Variants in MAPKAP1 observed in about 807,000 individuals in gnomAD.
MAPKAP1 encodes MAPK associated protein 1.
A neutral mutation model predicts 65.7 loss-of-function variants in MAPKAP1; 20 were observed. That is an observed-to-expected ratio of 0.30 (90% CI 0.21 to 0.44). The LOEUF (loss-of-function observed/expected upper bound fraction) is 0.44, where lower values mean the gene tolerates loss of function less well. Among genes scored for constraint, MAPKAP1 ranks in the 20% least tolerant of loss-of-function variants. The probability of loss-of-function intolerance (pLI) is 1.00; values close to 1 mark genes in which losing one functional copy is unlikely to be tolerated. For synonymous variants in MAPKAP1, 222 were observed against 244.3 expected, an observed-to-expected ratio of 0.91 and a Z score of 0.85; for missense variants, 423 against 648.0, an observed-to-expected ratio of 0.65 and a Z score of 3.77.
intron 8 of MAPKAP1, among the ~76,000 whole-genome samples, chr9:125,503,431 C>A (rs545508043): frequency 6.6e-6 from 1 of 152,188 alleles, no homozygotes. Flanking sequence ...TCAACCTTTT[C>A]CCAGACATGG....
chr9:125,591,027 G>T lies in MAPKAP1; in HGVS notation c.499-5300C>A, dbSNP rs143372892. Among the ~76,000 whole-genome samples, 142 of 152,228 alleles carry T rather than the reference G, an allele frequency of 9.3e-4. 1 individual carries two copies. The highest frequency in any genetic ancestry group is 1.1e-3 in the Non-Finnish European group (75 of 68,010). ...GACCTCAAGTGATCCGCCCACCTCG[G>T]CCTCCCAAAATGCTGGGATTACAAG... On this transcript the variant is annotated intron_variant, in intron 4 of 11. Coordinates refer to ENST00000265960, the MANE Select transcript of MAPKAP1 (RefSeq NM_001006617.3).
chr9:125,660,772 C>CT (rs2131764283), intron 3 of MAPKAP1, among the ~76,000 whole-genome samples: 1 of 152,344 alleles, frequency 6.6e-6, no homozygotes, highest in South Asian at 2.1e-4. Flanking sequence ...GCTAGCAACG[C>CT]TGTGTTATCA....
chr9:125,441,130 C>T (rs914924888), intron 11 of MAPKAP1, among the ~76,000 whole-genome samples: 3 of 152,176 alleles, frequency 2.0e-5, no homozygotes, highest in Non-Finnish European at 4.4e-5. Context: ...TCATTTTCAA[C>T]GCATTTTACA....
chr9:125,481,944 A>G (rs1404175027), intron 9 of MAPKAP1, among the ~76,000 whole-genome samples: 1 of 151,506 alleles, frequency 6.6e-6, no homozygotes, highest in Non-Finnish European at 1.5e-5. Flanking sequence ...CAGCCTGGCC[A>G]CATGGTGAAA....
intron 9 of MAPKAP1, among the ~76,000 whole-genome samples, chr9:125,479,152 A>C (rs1181857478): frequency 3.3e-5 from 5 of 152,256 alleles, no homozygotes; most frequent in Admixed American, 6.5e-5. Flanking sequence ...AAAGAGAACA[A>C]TTAGCAAAGT....
At position 125,548,326 on chromosome 9, in the gene MAPKAP1, CA is replaced by C. The variant is rs551587843; in HGVS notation, c.849-5159del. ...GGTGGAGGCAAGTTCAGAGTGCTGC[CA>C]AAACAAACATAGGGCACGTAACCCA... On this transcript the variant is annotated intron_variant, in intron 6 of 11. Coordinates refer to ENST00000265960, the MANE Select transcript of MAPKAP1 (RefSeq NM_001006617.3). Among the ~76,000 whole-genome samples, 298 of 152,266 alleles carry C rather than the reference CA, an allele frequency of 2.0e-3. 2 individuals are homozygous for C. Among genetic ancestry groups the C allele is most frequent in the African/African-American group, 6.9e-3 (285 of 41,550 alleles).
intron 4 of MAPKAP1, among the ~76,000 whole-genome samples, chr9:125,586,450 C>T (rs1206195314): frequency 6.6e-6 from 1 of 152,120 alleles, no homozygotes; most frequent in African/African-American, 2.4e-5. Context: ...CTTCACTGAA[C>T]CTGCTGTTGA....
intron 4 of MAPKAP1, among the ~76,000 whole-genome samples, chr9:125,617,432 G>A (rs192585550): frequency 1.3e-5 from 2 of 152,312 alleles, no homozygotes; most frequent in Admixed American, 6.5e-5. Context: ...CTGCACTCCA[G>A]CCTGGGCAAC....
chr9:125,600,792 T>C (rs192467526), intron 4 of MAPKAP1, among the ~76,000 whole-genome samples: 110 of 152,306 alleles, frequency 7.2e-4, no homozygotes, highest in South Asian at 1.9e-3. Context: ...ATGTAAAATG[T>C]CCACTTCGAA....
intron 4 of MAPKAP1, among the ~76,000 whole-genome samples, chr9:125,637,717 A>C (rs1833465104): frequency 6.6e-6 from 1 of 152,214 alleles, no homozygotes; most frequent in Non-Finnish European, 1.5e-5. Context: ...ACAAGGATTA[A>C]ATGAGAAACG....
At chr9:125,467,542 C>T (rs980506692) in intron 10 of MAPKAP1, among the ~76,000 whole-genome samples, 10 of 152,192 alleles carry the variant, frequency 6.6e-5, no homozygotes, top group African/African-American at 2.4e-4. Flanking sequence ...TAAATCTAGG[C>T]GTTCGCCGCC....
intron 4 of MAPKAP1, among the ~76,000 whole-genome samples, chr9:125,612,469 T>C (rs1344894473): frequency 1.3e-5 from 2 of 152,144 alleles, no homozygotes; most frequent in South Asian, 2.1e-4. Flanking sequence ...TGGAGTAAGA[T>C]TGGAAATTAA....
chr9:125,456,635 TC>T (rs1853172983), intron 10 of MAPKAP1, among the ~76,000 whole-genome samples: 1 of 152,234 alleles, frequency 6.6e-6, no homozygotes, highest in Non-Finnish European at 1.5e-5. Flanking sequence ...ACTCTCTCAC[TC>T]TTGCTTACTT....
rs541154352 is a variant in MAPKAP1 at position 125,622,522 on chromosome 9, T to C, written c.498+35129A>G. On this transcript the variant is annotated intron_variant, in intron 4 of 11. Transcript: ENST00000265960. ...GTGCAGTGGCGTGATCTCGGCTCAC[T>C]GCAACCTCTGCCCCCCGGATTCAAG... Among the ~76,000 whole-genome samples, 136 of 152,022 alleles carry C rather than the reference T, an allele frequency of 8.9e-4. 1 individual carries two copies. Among genetic ancestry groups the C allele is most frequent in the Non-Finnish European group, 1.6e-3 (109 of 67,948 alleles).
chr9:125,549,171 C>A (rs1830513355), intron 6 of MAPKAP1, among the ~76,000 whole-genome samples: 1 of 152,194 alleles, frequency 6.6e-6, no homozygotes, highest in South Asian at 2.1e-4. Context: ...AACCATATGA[C>A]CTACAGGATT....
chr9:125,615,716 C>T (rs1263217322), intron 4 of MAPKAP1, among the ~76,000 whole-genome samples: 1 of 152,044 alleles, frequency 6.6e-6, no homozygotes, highest in Non-Finnish European at 1.5e-5. Context: ...AGTTCAAGAT[C>T]AGCCTGGCCA....
chr9:125,533,240 G>T (rs1260686730), intron 7 of MAPKAP1, among the ~76,000 whole-genome samples: 1 of 151,734 alleles, frequency 6.6e-6, no homozygotes, highest in African/African-American at 2.4e-5. Context: ...ACTGACCAAA[G>T]AACTATCTTT....
chr9:125,596,280 C>T (rs1832122994), intron 4 of MAPKAP1: 6 of 761,034 alleles, frequency 7.9e-6, no homozygotes, highest in Admixed American at 6.8e-5. Flanking sequence ...TGGTGGTGGT[C>T]GTGAAGGTGA....
At chr9:125,689,433 T>G (rs1588077650) in intron 1 of MAPKAP1, among the ~76,000 whole-genome samples, 1 of 62,550 alleles carries the variant, frequency 1.6e-5, no homozygotes, top group Admixed American at 2.6e-4. Context: ...AGACTCCATC[T>G]CGGAAAAAAA....
Sources: gnomAD v4.1 joint callset for allele counts (sites outside exome capture counted in the v4.1 genomes callset) on GRCh38, gnomAD v4.1.1 for gene constraint, MANE v1.5 for transcripts, NCBI Gene and HGNC (gene_info 2026-07-23, HGNC 2026-07-21) for gene names.